The following SNRPN variants were observed in gnomAD, a reference collection of about 807,000 sequenced individuals.
The protein encoded by SNRPN is small nuclear ribonucleoprotein polypeptide N.
Under a neutral mutation model 25.2 loss-of-function variants are expected in SNRPN, and 7 were observed. The ratio of observed to expected loss-of-function variants is 0.28; its 90% CI spans 0.16 to 0.52. The LOEUF is 0.52. Among genes scored for constraint, SNRPN ranks in the 20% least tolerant of loss-of-function variants. The pLI, the probability that SNRPN is intolerant of heterozygous loss-of-function variation, is 0.96. For missense variants in SNRPN, 196 were observed against 322.5 expected (o/e 0.61, Z 3.00); for synonymous variants, 124 against 110.6 (o/e 1.12, Z -0.76).
chr15:24,918,419 T>TGC (rs1211831835), intron 2 of SNRPN, among the ~76,000 whole-genome samples: 2 of 68,076 alleles, frequency 2.9e-5, no homozygotes, highest in East Asian at 4.1e-4. Flanking sequence ...AATATATATG[T>TGC]GTATATATAA....
intron 3 of SNRPN, among the ~76,000 whole-genome samples, chr15:24,935,252 A>G (rs2152942758): frequency 6.6e-6 from 1 of 151,934 alleles, no homozygotes; most frequent in East Asian, 1.9e-4. Flanking sequence ...AGCATGGGCA[A>G]CAGAGCGAGA....
intron 3 of SNRPN, among the ~76,000 whole-genome samples, chr15:24,925,619 T>C (rs2060325612): frequency 6.6e-6 from 1 of 152,116 alleles, no homozygotes; most frequent in African/African-American, 2.4e-5. Context: ...TGTTGTTTAA[T>C]TAAAAGACAG....
chr15:24,842,038 C>G (rs61994706), intron 2 of SNRPN, among the ~76,000 whole-genome samples: 24,378 of 152,098 alleles, frequency 0.16, 2,478 homozygotes, highest in East Asian at 0.4. Context: ...CATTTACCAC[C>G]CATCCTTATC....
chr15:24,914,885 C>G (rs1297365276), intron 2 of SNRPN, among the ~76,000 whole-genome samples: 1 of 151,876 alleles, frequency 6.6e-6, no homozygotes, highest in Non-Finnish European at 1.5e-5. Context: ...CCAAATAGAT[C>G]ATGGGAAAAA....
At chr15:24,879,162 C>CGGTGG (rs2056331191) in intron 1 of SNRPN, among the ~76,000 whole-genome samples, 1 of 152,118 alleles carries the variant, frequency 6.6e-6, no homozygotes, top group African/African-American at 2.4e-5. Context: ...AGGCCGGGTG[C>CGGTGG]GGTGGCTCAC....
At chr15:24,969,011 A>G (rs144043121) in intron 3 of SNRPN, among the ~76,000 whole-genome samples, 117 of 152,318 alleles carry the variant, frequency 7.7e-4, no homozygotes, top group African/African-American at 2.6e-3. Flanking sequence ...AAGTAAGAGC[A>G]GAGAGGAATT....
In SNRPN at chr15:24,833,503, A is replaced by T. The variant is rs182260587; in HGVS notation, c.-579+3598A>T. On this transcript the variant is annotated intron_variant, in intron 2 of 12. Coordinates refer to the SNRPN transcript ENST00000400100. ...TTGTCCTCTGAAGGTTCACTGAAAA[A>T]TCAACTGGCAAAAGGAAGATTAATA... is the stretch of plus-strand genomic sequence containing the variant. Among the ~76,000 whole-genome samples, 13 of 152,228 alleles carry T rather than the reference A, an allele frequency of 8.5e-5. 1 individual carries two copies. Among genetic ancestry groups the T allele is most frequent in the African/African-American group, 2.4e-4 (10 of 41,478 alleles).
At chr15:24,829,274 A>G (rs1446042279) in intron 1 of SNRPN, among the ~76,000 whole-genome samples, 1 of 152,110 alleles carries the variant, frequency 6.6e-6, no homozygotes, top group East Asian at 1.9e-4. Context: ...TGCCCTTGGG[A>G]GCCCAGAGGG....
rs546183698 is a variant in SNRPN at position 24,872,512 on chromosome 15, A to G, written c.-578-14004A>G. Among the ~76,000 whole-genome samples, 9 of 116,054 alleles carry G rather than the reference A, an allele frequency of 7.8e-5. 3 individuals carry two copies. The East Asian group carries it at 9.6e-4, about 12-fold the overall frequency. The allele number at this position is 116,054 out of a possible 152,430, so 76.1% of individuals were successfully genotyped here. A position where few individuals can be genotyped will look rare whatever the true frequency, so the allele number is the denominator to read the frequency against. On this transcript the variant is annotated intron_variant, in intron 1 of 11. Coordinates refer to the SNRPN transcript ENST00000400097. ...TGTAATCCCAGCACTGTGGGAGGCC[A>G]AGGCGGGCGGATCACCTGAGGTTGG...
chr15:24,974,504 A>G lies in SNRPN; in HGVS notation c.3+48A>G. On this transcript the variant is annotated intron_variant, in intron 4 of 9. Transcript: ENST00000390687. ...GGGTTGAAATGTGCTGTAAGGGCCG[A>G]AAGAAATAGTTTGCCAGCATGTGCA... 1.9e-6 allele frequency: 3 copies of G among 1,593,486 alleles called. No individual in the cohort carries two copies. In the South Asian group the frequency reaches 3.3e-5, roughly 18 times the overall value.
intron 1 of SNRPN, among the ~76,000 whole-genome samples, chr15:24,863,478 T>C (rs2054210966): frequency 6.6e-6 from 1 of 150,490 alleles, no homozygotes; most frequent in Admixed American, 6.6e-5. Flanking sequence ...TGTGTCTGCG[T>C]GTCCTCTCGG....
intron 2 of SNRPN, among the ~76,000 whole-genome samples, chr15:24,843,713 C>A (rs941434979): frequency 6.6e-6 from 1 of 151,728 alleles, no homozygotes; most frequent in Non-Finnish European, 1.5e-5. Flanking sequence ...CTTGAACCCA[C>A]GAGGCAGAGG....
intron 7 of SNRPN, among the ~76,000 whole-genome samples, chr15:24,977,350 T>A (rs1483983081): frequency 6.6e-6 from 1 of 152,088 alleles, no homozygotes; most frequent in East Asian, 1.9e-4. Context: ...TTTTAAAATA[T>A]GGGAATAGGC....
chr15:24,940,001 G>T (rs1177269033), intron 3 of SNRPN, among the ~76,000 whole-genome samples: 2 of 152,024 alleles, frequency 1.3e-5, no homozygotes, highest in African/African-American at 4.8e-5. Context: ...TGTTGGCCAG[G>T]CTGGTCTCAA....
rs117742355 is a variant in SNRPN at position 24,858,521 on chromosome 15, G to C, written c.-579+1805G>C. 3.5e-3 allele frequency among the ~76,000 whole-genome samples: 539 copies of C among 152,228 alleles called. 22 individuals carry two copies. The East Asian group carries it at 0.081, about 23-fold the overall frequency. ...GCTCCAAAAAGTAAACCAGGAGCCTGGCACAGTGGTCACACCTGTAATCCC... is the reference window on the plus strand; with the variant it reads ...GCTCCAAAAAGTAAACCAGGAGCCTCGCACAGTGGTCACACCTGTAATCCC... On this transcript the variant is annotated intron_variant, in intron 1 of 11. Coordinates refer to the SNRPN transcript ENST00000400097.
intron 1 of SNRPN, among the ~76,000 whole-genome samples, chr15:24,863,711 A>T (rs571877586): frequency 6.6e-6 from 1 of 150,798 alleles, no homozygotes; most frequent in South Asian, 2.1e-4. Context: ...CTGAAGATTC[A>T]TGTCTCCTCA....
At chr15:24,962,468 C>G (rs2074985848) in intron 2 of SNRPN, among the ~76,000 whole-genome samples, 1 of 152,018 alleles carries the variant, frequency 6.6e-6, no homozygotes, top group Non-Finnish European at 1.5e-5. Flanking sequence ...TTTGTAATTA[C>G]CCTTCAACAT....
chr15:24,864,339 C>CTTT (rs58622804), intron 1 of SNRPN, among the ~76,000 whole-genome samples: 10 of 117,248 alleles, frequency 8.5e-5, no homozygotes, highest in African/African-American at 1.3e-4. Context: ...CTCTTCTTTT[C>CTTT]TTTTTTTTTT....
In SNRPN at chr15:24,885,716, C is replaced by CCGTGTGTG. The variant is rs373086731; in HGVS notation, c.-578-800_-578-799insCGTGTGTG. Reference sequence around the variant, plus strand: ...GGATTTTCCAGGAAGGAATCTGGGGCTGTGTGTGTGTGTGTGTGTGTGTGT... The same window carrying CCGTGTGTG: ...GGATTTTCCAGGAAGGAATCTGGGGCCGTGTGTGTGTGTGTGTGTGTGTGTGTGTGTGT... On this transcript the variant is annotated intron_variant, in intron 1 of 11. Transcript: ENST00000400097. Among the ~76,000 whole-genome samples the CCGTGTGTG allele has an allele frequency of 5.6e-4, 79 of 141,734 alleles. 1 individual carries two copies. The highest frequency in any genetic ancestry group is 1.5e-3 in the African/African-American group (57 of 38,366). The allele number at this position is 141,734 out of a possible 152,430, so 93.0% of individuals were successfully genotyped here.
Sources: gnomAD v4.1 joint callset for allele counts (sites outside exome capture counted in the v4.1 genomes callset) on GRCh38, gnomAD v4.1.1 for gene constraint, MANE v1.5 for transcripts, NCBI Gene and HGNC (gene_info 2026-07-23, HGNC 2026-07-21) for gene names.